Variants in CHST11 observed in about 807,000 individuals in gnomAD.
CHST11 encodes C4S-1.
Under a neutral mutation model 30.4 loss-of-function variants are expected in CHST11, and 9 were observed. The ratio of observed to expected loss-of-function variants is 0.30; its 90% CI spans 0.18 to 0.52. The LOEUF (loss-of-function observed/expected upper bound fraction) is 0.52. Ranked by LOEUF, CHST11 falls within the 20% of genes least tolerant of loss-of-function variation. The probability of loss-of-function intolerance (pLI) is 0.97; values close to 1 mark genes in which losing one functional copy is unlikely to be tolerated. For missense variants in CHST11, 348 were observed against 460.6 expected, an observed-to-expected ratio of 0.76 and a Z score of 2.24; for synonymous variants, 152 against 187.8, an observed-to-expected ratio of 0.81 and a Z score of 1.56.
chr12:104,708,294 A>G (rs2040054649), intron 2 of CHST11, among the ~76,000 whole-genome samples: 2 of 152,174 alleles, frequency 1.3e-5, no homozygotes, highest in Admixed American at 6.5e-5. Flanking sequence ...TCGTCACCTG[A>G]GAAATGGGGC....
At chr12:104,712,668 T>C (rs2040097077) in intron 2 of CHST11, among the ~76,000 whole-genome samples, 1 of 152,078 alleles carries the variant, frequency 6.6e-6, no homozygotes, top group Admixed American at 6.5e-5. Context: ...CCGAGAGAAA[T>C]CCTGGTCGGC....
rs903312659 is a variant in CHST11 at position 104,662,370 on chromosome 12, A to G, written c.204+60379A>G. 2.6e-5 allele frequency among the ~76,000 whole-genome samples: 4 copies of G among 152,326 alleles called. No individual in the cohort carries two copies. In the East Asian group the frequency reaches 7.7e-4, roughly 29 times the overall value. Reference sequence around the variant, plus strand: ...GGGTGGTTGTGAGGCTTGAATCATCAAATGAAAGGGCTTTGTAAATGGCAG... The same window carrying G: ...GGGTGGTTGTGAGGCTTGAATCATCGAATGAAAGGGCTTTGTAAATGGCAG... On this transcript the variant is annotated intron_variant, in intron 2 of 2. Transcript: ENST00000303694.
intron 2 of CHST11, among the ~76,000 whole-genome samples, chr12:104,715,737 C>G (rs1193131137): frequency 6.6e-6 from 1 of 152,164 alleles, no homozygotes; most frequent in Non-Finnish European, 1.5e-5. Context: ...GCTCCTGTGA[C>G]TCCCCTCCCC....
intron 2 of CHST11, among the ~76,000 whole-genome samples, chr12:104,742,209 T>C (rs566384660): frequency 1.3e-5 from 2 of 152,276 alleles, no homozygotes; most frequent in African/African-American, 2.4e-5. Context: ...TAGGCCAAAA[T>C]AGAAGTAGAA....
intron 2 of CHST11, among the ~76,000 whole-genome samples, chr12:104,715,937 G>A (rs532240515): frequency 6.6e-6 from 1 of 152,306 alleles, no homozygotes; most frequent in African/African-American, 2.4e-5. Context: ...TATTAGATCC[G>A]CGTTTAATGG....
At chr12:104,546,755 CA>C (rs2038354900) in intron 1 of CHST11, among the ~76,000 whole-genome samples, 1 of 152,090 alleles carries the variant, frequency 6.6e-6, no homozygotes, top group South Asian at 2.1e-4. Flanking sequence ...CCCCACTGGA[CA>C]AAACCAAAAC....
rs77452727 is a variant in CHST11, at chr12:104,510,933, C to T, written c.118+53404C>T. Among the ~76,000 whole-genome samples, 252 of 152,010 alleles carry T rather than the reference C, an allele frequency of 1.7e-3. 4 individuals are homozygous for T. In the East Asian group the frequency reaches 0.043, roughly 26 times the overall value. On this transcript the variant is annotated intron_variant, in intron 1 of 2. Transcript: ENST00000303694. ...GTCTTATAGATTTGGGATATTTATA[C>T]ATACTTTAAAATGAGTAGGTTGGAG...
intron 2 of CHST11, among the ~76,000 whole-genome samples, chr12:104,709,196 T>C (rs542733339): frequency 2.0e-5 from 3 of 152,370 alleles, no homozygotes; most frequent in African/African-American, 7.2e-5. Flanking sequence ...TGCCATCTGA[T>C]GCTGCCTCCT....
intron 1 of CHST11, among the ~76,000 whole-genome samples, chr12:104,488,432 T>C (rs554661491): frequency 3.8e-4 from 56 of 147,770 alleles, no homozygotes; most frequent in Non-Finnish European, 6.6e-4. Context: ...TATGTATGTG[T>C]ATGCATGTAT....
chr12:104,734,685 A>G (rs1469324631), intron 2 of CHST11, among the ~76,000 whole-genome samples: 1 of 152,142 alleles, frequency 6.6e-6, no homozygotes, highest in Non-Finnish European at 1.5e-5. Context: ...TGGGATACCC[A>G]GTCAGCCACC....
At chr12:104,685,445 A>G (rs1445576168) in intron 2 of CHST11, among the ~76,000 whole-genome samples, 1 of 152,236 alleles carries the variant, frequency 6.6e-6, no homozygotes, top group Non-Finnish European at 1.5e-5. Context: ...GATTTATACC[A>G]ATGATAAATT....
At chr12:104,693,987 A>G (rs2039922050) in intron 2 of CHST11, among the ~76,000 whole-genome samples, 1 of 152,242 alleles carries the variant, frequency 6.6e-6, no homozygotes, top group African/African-American at 2.4e-5. Context: ...AGGAACTTGT[A>G]TAGTTACTTA....
chr12:104,459,219 G>T (rs1234038930), intron 1 of CHST11, among the ~76,000 whole-genome samples: 2 of 152,202 alleles, frequency 1.3e-5, no homozygotes, highest in Non-Finnish European at 2.9e-5. Flanking sequence ...TTGCATTCCG[G>T]CAGGCAGGCC....
At chr12:104,748,223 A>T (rs1343027455) in intron 2 of CHST11, among the ~76,000 whole-genome samples, 1 of 152,140 alleles carries the variant, frequency 6.6e-6, no homozygotes, top group African/African-American at 2.4e-5. Context: ...TGTGTTTTGT[A>T]ATTAAGTATA....
intron 2 of CHST11, among the ~76,000 whole-genome samples, chr12:104,665,972 ACCATG>A (rs1221820445): frequency 6.6e-5 from 10 of 151,744 alleles, no homozygotes; most frequent in Non-Finnish European, 1.5e-4. Context: ...GGTGCCCGTC[ACCATG>A]CCCAGCTAAT....
intron 2 of CHST11, among the ~76,000 whole-genome samples, chr12:104,616,166 C>T (rs11612476): frequency 0.19 from 28,148 of 152,048 alleles, 2,948 homozygotes; most frequent in Admixed American, 0.25. Flanking sequence ...CATCGTCTGC[C>T]GGATAATCTG....
chr12:104,518,658 C>T (rs2038048091), intron 1 of CHST11, among the ~76,000 whole-genome samples: 1 of 152,162 alleles, frequency 6.6e-6, no homozygotes, highest in Non-Finnish European at 1.5e-5. Flanking sequence ...GCAGGAAAAA[C>T]ACTTCAGGTA....
intron 2 of CHST11, among the ~76,000 whole-genome samples, chr12:104,616,521 A>G (rs1592795922): frequency 2.0e-5 from 3 of 150,302 alleles, no homozygotes; most frequent in African/African-American, 7.4e-5. Context: ...TCTGGAGTGC[A>G]GTGGCGCAAT....
rs189704090 is a variant in CHST11, at chr12:104,602,847, G to T, written c.204+856G>T. Among the ~76,000 whole-genome samples, 385 of 152,262 alleles carry T rather than the reference G, an allele frequency of 2.5e-3. 1 individual carries two copies. Among genetic ancestry groups the T allele is most frequent in the Middle Eastern group, 6.8e-3 (2 of 294 alleles). On this transcript the variant is annotated intron_variant, in intron 2 of 2. Transcript: ENST00000303694. ...CTTTGGACCAAGGTACCTGGTGGAGGAAGATAATGCACGGGCCTCAAAGGT... is the reference window on the plus strand; with the variant it reads ...CTTTGGACCAAGGTACCTGGTGGAGTAAGATAATGCACGGGCCTCAAAGGT...
Sources: gnomAD v4.1 joint callset for allele counts (sites outside exome capture counted in the v4.1 genomes callset) on GRCh38, gnomAD v4.1.1 for gene constraint, MANE v1.5 for transcripts, NCBI Gene and HGNC (gene_info 2026-07-23, HGNC 2026-07-21) for gene names.